CRISP1: variants seen among roughly 807,000 people sequenced by gnomAD.
The protein encoded by CRISP1 is cysteine-rich secretory protein 1.
Under a neutral mutation model 33.1 loss-of-function variants are expected in CRISP1, and 44 were observed. The ratio of observed to expected loss-of-function variants is 1.33; its 90% CI spans 1.05 to 1.71. The LOEUF (loss-of-function observed/expected upper bound fraction) is 1.71. CRISP1 is among the 40% of genes most tolerant of loss of function. The pLI is 0.00. For missense variants in CRISP1, 390 were observed against 301.2 expected (o/e 1.29, Z -2.18); for synonymous variants, 103 against 98.7 (o/e 1.04, Z -0.26).
intron 1 of CRISP1, among the ~76,000 whole-genome samples, chr6:49,862,099 A>G (rs1315841559): frequency 6.6e-6 from 1 of 152,180 alleles, no homozygotes; most frequent in African/African-American, 2.4e-5. Context: ...AAATTGGGAA[A>G]GAGAAAGGCA....
chr6:49,838,395 C>T, intron 7 of CRISP1, 42 bp downstream of exon 7: 1 of 1,392,666 alleles, frequency 7.2e-7, no homozygotes, highest in South Asian at 1.2e-5. Context: ...GTTCCCAGAT[C>T]AATGGGTTAA....
upstream of CRISP1, among the ~76,000 whole-genome samples, chr6:49,867,274 G>A (rs12191200): frequency 0.097 from 14,730 of 151,994 alleles, 1,000 homozygotes; most frequent in Non-Finnish European, 0.15. Flanking sequence ...TCTGAAACTA[G>A]GTGTAATCAG....
intron 7 of CRISP1, 145 bp downstream of exon 7, chr6:49,838,292 G>C (rs1461646468): frequency 1.7e-5 from 11 of 635,394 alleles, no homozygotes; most frequent in Non-Finnish European, 2.7e-5. Flanking sequence ...TCTGGCAATT[G>C]GGGAGGGGTA....
At chr6:49,863,591 A>G (rs1771714457) in intron 1 of CRISP1, among the ~76,000 whole-genome samples, 1 of 152,230 alleles carries the variant, frequency 6.6e-6, no homozygotes, top group Admixed American at 6.5e-5. Flanking sequence ...CTTTAGTTTC[A>G]GATTGTGTTT....
At chr6:49,837,547 CAGAT>C (rs1381273602) in intron 7 of CRISP1, among the ~76,000 whole-genome samples, 10 of 150,616 alleles carry the variant, frequency 6.6e-5, no homozygotes, top group African/African-American at 1.7e-4. Context: ...GAGAGGGAGA[CAGAT>C]AGAGAAGTAA....
chr6:49,847,299 C>G (rs919332555), intron 4 of CRISP1, among the ~76,000 whole-genome samples: 7 of 152,100 alleles, frequency 4.6e-5, no homozygotes, highest in Admixed American at 1.3e-4. Context: ...TGGATGTCCC[C>G]TCCAAATCTC....
chr6:49,865,779 T>C (rs1488451348), intron 1 of CRISP1, among the ~76,000 whole-genome samples: 2 of 152,070 alleles, frequency 1.3e-5, no homozygotes, highest in Non-Finnish European at 2.9e-5. Context: ...GTCCAAGACC[T>C]AGCATGAAGA....
intron 1 of CRISP1, among the ~76,000 whole-genome samples, chr6:49,876,853 G>T (rs12198437): frequency 1.3e-5 from 2 of 151,870 alleles, no homozygotes; most frequent in East Asian, 3.9e-4. Context: ...ATGGACACAT[G>T]AGGGGGAACA....
intron 1 of CRISP1, among the ~76,000 whole-genome samples, chr6:49,864,758 C>G (rs543496310): frequency 1.2e-4 from 19 of 152,112 alleles, no homozygotes; most frequent in African/African-American, 4.6e-4. Context: ...TAGGTTGGCT[C>G]TTTTTCTTAT....
chr6:49,868,831 T>C (rs139913100), upstream of CRISP1, among the ~76,000 whole-genome samples: 1 of 152,256 alleles, frequency 6.6e-6, no homozygotes, highest in Non-Finnish European at 1.5e-5. Flanking sequence ...GCTCAGAAAC[T>C]CAGGCCAAAA....
intron 5 of CRISP1, among the ~76,000 whole-genome samples, chr6:49,843,019 G>A (rs1411607701): frequency 6.6e-6 from 1 of 152,156 alleles, no homozygotes; most frequent in Admixed American, 6.5e-5. Flanking sequence ...GATTCACTTT[G>A]AAGGAGACAA....
chr6:49,865,258 T>A (rs1338472822), intron 1 of CRISP1, among the ~76,000 whole-genome samples: 1 of 152,154 alleles, frequency 6.6e-6, no homozygotes, highest in Non-Finnish European at 1.5e-5. Context: ...TGATCATTTT[T>A]ATAAAAGAGA....
At position 49,876,827 on chromosome 6, in the gene CRISP1, T is replaced by C. The variant is rs1336561529; in HGVS notation, c.-3+182A>G. Among the ~76,000 whole-genome samples the C allele has an allele frequency of 5.9e-5, 9 of 152,052 alleles. No homozygotes were observed. In the East Asian group the frequency reaches 1.7e-3, roughly 29 times the overall value. ...CATATTCTCACTTGTAAGTGGTTGC[T>C]GAATGATGAGAATGCATGGACACAT... On this transcript the variant is annotated intron_variant, in intron 1 of 7. Transcript: ENST00000505118.
Position 49,857,375 on chromosome 6 carries a change from A to C in CRISP1, c.26T>G (p.Leu9Trp). ...AGGCAGTAAGCAAGCAGCAGCAACCAAAAACAAGAGGTGTTTAATTTCCAT... is the reference window on the plus strand; with the variant it reads ...AGGCAGTAAGCAAGCAGCAGCAACCCAAAACAAGAGGTGTTTAATTTCCAT... MEIKHLLF[L>W]VAAACLLPML... Residue 9 changes from leucine to tryptophan, a missense_variant, in exon 2 of 8, where the codon TTG (leucine) becomes TGG (tryptophan). By Grantham distance (61) the Leu-to-Trp change is moderately conservative. Transcript: ENST00000335847. The C allele has an allele frequency of 6.2e-7, 1 of 1,612,226 alleles. No homozygotes were observed. Among genetic ancestry groups the C allele is most frequent in the Non-Finnish European group, 8.5e-7 (1 of 1,178,632 alleles).
upstream of CRISP1, among the ~76,000 whole-genome samples, chr6:49,870,756 C>T (rs77997644): frequency 5.5e-4 from 84 of 152,194 alleles, no homozygotes; most frequent in East Asian, 0.015. Flanking sequence ...AAATTAATCC[C>T]CAAATTTTGC....
intron 6 of CRISP1, 118 bp from the exon 7 acceptor site, chr6:49,838,643 GT>G (rs1770883912): frequency 1.5e-6 from 1 of 686,150 alleles, no homozygotes; most frequent in Non-Finnish European, 2.4e-6. Flanking sequence ...GTAAAGAACA[GT>G]GATAATTTTT....
chr6:49,846,369 T>A (rs1236204500), intron 5 of CRISP1, 151 bp downstream of exon 5: 6 of 781,232 alleles, frequency 7.7e-6, no homozygotes, highest in Non-Finnish European at 1.2e-5. Flanking sequence ...AACAGAACAC[T>A]TCCTTCTATT....
At chr6:49,866,070 T>C (rs1771792229) in intron 1 of CRISP1, among the ~76,000 whole-genome samples, 1 of 152,154 alleles carries the variant, frequency 6.6e-6, no homozygotes, top group Admixed American at 6.6e-5. Context: ...ACTGGCTAAT[T>C]CTTTTGGCAG....
Position 49,861,881 on chromosome 6 carries a change from T to TA in CRISP1, c.-2-4480dup, listed in dbSNP as rs35015397. On this transcript the variant is annotated intron_variant, in intron 1 of 7. Coordinates refer to ENST00000335847, the MANE Select transcript of CRISP1 (RefSeq NM_001131.3). ...GCCTGGACAACAGAGCAAGACTCCATAAAAAAAAAAATAACATAACTCAAC... is the reference window on the plus strand; with the variant it reads ...GCCTGGACAACAGAGCAAGACTCCATAAAAAAAAAAAATAACATAACTCAAC... 3.7e-3 allele frequency among the ~76,000 whole-genome samples: 530 copies of TA among 143,928 alleles called. 4 individuals carry two copies. Among genetic ancestry groups the TA allele is most frequent in the African/African-American group, 9.5e-3 (372 of 39,224 alleles). The allele number at this position is 143,928 out of a possible 152,430, so 94.4% of individuals were successfully genotyped here.
Sources: gnomAD v4.1 joint callset for allele counts (sites outside exome capture counted in the v4.1 genomes callset) on GRCh38, gnomAD v4.1.1 for gene constraint, MANE v1.5 for transcripts, NCBI Gene and HGNC (gene_info 2026-07-23, HGNC 2026-07-21) for gene names.